COL4A4: variants seen among roughly 807,000 people sequenced by gnomAD.
The protein encoded by COL4A4 is collagen type IV alpha 4 chain.
COL4A4 carries 105 observed loss-of-function variants against 192.9 expected under a neutral mutation model. The observed-to-expected ratio is 0.54, with a 90% CI of 0.46 to 0.64. The LOEUF is 0.64. Ranked by LOEUF, COL4A4 falls within the 30% of genes least tolerant of loss-of-function variation. The pLI, the probability that COL4A4 is intolerant of heterozygous loss-of-function variation, is 0.00. For synonymous variants in COL4A4, 762 were observed against 769.9 expected, an observed-to-expected ratio of 0.99 and a Z score of 0.17; for missense variants, 1,967 against 2,169.3, an observed-to-expected ratio of 0.91 and a Z score of 1.85.
At chr2:227,056,478 A>C (rs1361381993) in intron 29 of COL4A4, among the ~76,000 whole-genome samples, 1 of 152,260 alleles carries the variant, frequency 6.6e-6, no homozygotes, top group Admixed American at 6.5e-5. Flanking sequence ...AGAAGAAGTC[A>C]GAGCCGGTGT....
chr2:227,110,590 C>A (rs2061139132), intron 9 of COL4A4, among the ~76,000 whole-genome samples: 1 of 151,678 alleles, frequency 6.6e-6, no homozygotes, highest in South Asian at 2.1e-4. Context: ...ACCATCTTGG[C>A]TAGGCTGGTC....
the COL4A4 span, chr2:226,996,718 G>A: frequency 1.3e-5 from 2 of 152,174 alleles, no homozygotes; most frequent in Non-Finnish European, 2.9e-5. Flanking sequence ...CTTTGGGAGT[G>A]GAGTACATGG....
intron 13 of COL4A4, 34 bp from the exon 14 acceptor site, chr2:227,103,231 C>T: frequency 6.5e-7 from 1 of 1,532,716 alleles, no homozygotes; most frequent in East Asian, 2.2e-5. Flanking sequence ...TTGGTCTATT[C>T]TTATTATTTA....
At chr2:226,993,064 C>T in the COL4A4 span, among the ~76,000 whole-genome samples, 5 of 152,224 alleles carry the variant, frequency 3.3e-5, no homozygotes, top group Non-Finnish European at 7.3e-5. Context: ...TGGTTCTCCT[C>T]GAATGCCCTG....
rs1961421302 is a variant in COL4A4, at chr2:227,003,320, T to C, written c.*4005A>G. On this transcript the variant is annotated 3_prime_UTR_variant, in exon 48 of 48. Transcript: ENST00000396625. ...GGGTATGCTAGACAGGTAATCTAAC[T>C]TAATTTTCAATGCAAGAGTAGCTGT... is the stretch of plus-strand genomic sequence containing the variant. 6.6e-6 allele frequency: 1 copy of C among 151,734 alleles called. No homozygotes were observed. Among genetic ancestry groups the C allele is most frequent in the African/African-American group, 2.4e-5 (1 of 41,440 alleles). 9.4% of individuals were successfully genotyped at this position (151,734 alleles called of 1,614,324 possible).
At chr2:227,054,502 A>C (rs1393806780) in intron 31 of COL4A4, 92 bp downstream of exon 31, 1 of 1,431,562 alleles carries the variant, frequency 7.0e-7, no homozygotes, top group Non-Finnish European at 9.8e-7. Flanking sequence ...CAAGCTTCAG[A>C]CAAGTCCTAT....
Position 227,050,058 on chromosome 2 carries a change from C to CA in COL4A4, c.3214+9dup. On this transcript the variant is annotated intron_variant, in intron 34 of 47. Transcript: ENST00000396625. ...ATTTGACAGATGGCTTCTGTATCTC[C>CA]AAACCATACCTTTAGGTCCTCTTGC... 1.2e-6 allele frequency: 2 copies of CA among 1,613,584 alleles called. No individual in the cohort carries two copies. The highest frequency in any genetic ancestry group is 4.5e-5 in the East Asian group (2 of 44,882).
intron 12 of COL4A4, among the ~76,000 whole-genome samples, chr2:227,105,133 C>A (rs1235784935): frequency 6.7e-6 from 1 of 148,556 alleles, no homozygotes; most frequent in Non-Finnish European, 1.5e-5. Flanking sequence ...TTATATTTTT[C>A]TTACAATATT....
chr2:227,023,003 A>G (rs1966316357), intron 43 of COL4A4, among the ~76,000 whole-genome samples: 1 of 152,220 alleles, frequency 6.6e-6, no homozygotes, highest in Non-Finnish European at 1.5e-5. Context: ...TTGGAAAGCT[A>G]TAATTCTGAC....
At chr2:227,077,168 T>A (rs1559560646) in intron 25 of COL4A4, among the ~76,000 whole-genome samples, 1 of 152,216 alleles carries the variant, frequency 6.6e-6, no homozygotes, top group Non-Finnish European at 1.5e-5. Flanking sequence ...TAAATCATTC[T>A]ACTATAAAGA....
Position 227,098,715 on chromosome 2 carries a change from T to C in COL4A4, c.1183A>G (p.Arg395Gly). ...GTACCTGCACAGGCTTCCCCTGGTC[T>C]GCCCAAGAGACCTGGGGGACCAGGT... ...GPPGPPGLLGRPGEACAGMIG... is the reference protein window; with the variant it reads ...GPPGPPGLLGGPGEACAGMIG... Residue 395 changes from arginine (R) to glycine (G), a missense_variant, in exon 19 of 48, where the codon AGA becomes GGA. Physicochemically the swap from Arg to Gly is moderately radical, Grantham distance 125. Coordinates refer to ENST00000396625, the MANE Select transcript of COL4A4 (RefSeq NM_000092.5). The C allele has an allele frequency of 1.2e-6, 2 of 1,614,110 alleles. No individual in the cohort carries two copies. The highest frequency in any genetic ancestry group is 2.7e-5 in the African/African-American group (2 of 75,066).
In COL4A4 at chr2:227,022,032, A is replaced by G. The variant is rs760379666; in HGVS notation, c.4216+16T>C. 2 of 1,607,384 alleles carry G rather than the reference A, an allele frequency of 1.2e-6. No homozygotes were observed. The highest frequency in any genetic ancestry group is 3.4e-5 in the Admixed American group (2 of 58,734). ...TATATCATGAAAATAATGAACAATC[A>G]GCATGCGGCTCATACCTGGTCCTGA... On this transcript the variant is annotated intron_variant, in intron 44 of 47. Coordinates refer to ENST00000396625, the MANE Select transcript of COL4A4 (RefSeq NM_000092.5).
intron 35 of COL4A4, among the ~76,000 whole-genome samples, chr2:227,045,828 A>G (rs868131114): frequency 0.066 from 4,751 of 71,594 alleles, 1,019 homozygotes; most frequent in South Asian, 0.12. Flanking sequence ...ACATATATAT[A>G]TATACACACA....
chr2:226,974,382 C>T, the COL4A4 span, among the ~76,000 whole-genome samples: 9 of 152,082 alleles, frequency 5.9e-5, 1 homozygote, highest in South Asian at 1.2e-3. Context: ...GAATTACAGG[C>T]GCCCACCACT....
intron 46 of COL4A4, among the ~76,000 whole-genome samples, chr2:227,009,251 G>A (rs886712063): frequency 7.9e-5 from 12 of 152,168 alleles, no homozygotes; most frequent in Non-Finnish European, 1.5e-5. Context: ...CCTAGTGAGA[G>A]CAATGGCAAG....
rs974232055 is a variant in COL4A4 at position 227,033,443 on chromosome 2, A to G, written c.3544T>C (p.Leu1182=). Residue 1182 remains leucine (L), a synonymous_variant, in exon 38 of 48, where the codon TTG becomes CTG. Coordinates refer to ENST00000396625, the MANE Select transcript of COL4A4 (RefSeq NM_000092.5). ...CCTTTAGTTCCTTTCTGACCTTTCAATCCATGCAAGCCGTTCAGGCCAGGT... is the reference window on the plus strand; with the variant it reads ...CCTTTAGTTCCTTTCTGACCTTTCAGTCCATGCAAGCCGTTCAGGCCAGGT... ...GSPGLNGLHG[L]KGQKGTKGAS... 3.7e-6 allele frequency: 6 copies of G among 1,613,506 alleles called. No individual in the cohort carries two copies. The highest frequency in any genetic ancestry group is 2.7e-5 in the African/African-American group (2 of 74,908).
At chr2:227,033,567 A>T in intron 37 of COL4A4, 86 bp from the exon 38 acceptor site, 1 of 1,207,594 alleles carries the variant, frequency 8.3e-7, no homozygotes, top group Admixed American at 1.8e-5. Flanking sequence ...TGCCCAGCAG[A>T]GGGCGCGTTG....
downstream of COL4A4, among the ~76,000 whole-genome samples, chr2:227,001,084 ATTTCT>A (rs1273852550): frequency 2.7e-5 from 4 of 150,338 alleles, no homozygotes; most frequent in Non-Finnish European, 4.4e-5. Context: ...GCTGGTTTTC[ATTTCT>A]TTTCTTTTTT....
At chr2:227,039,160 AGTTTT>A (rs768959775) in intron 37 of COL4A4, among the ~76,000 whole-genome samples, 5 of 151,990 alleles carry the variant, frequency 3.3e-5, no homozygotes, top group Non-Finnish European at 7.4e-5. Context: ...ATTAGCTATT[AGTTTT>A]GTTTTGTTTT....
Sources: allele counts gnomAD v4.1 joint callset (sites outside exome capture counted in the v4.1 genomes callset), GRCh38; gene constraint gnomAD v4.1.1; transcripts MANE v1.5; gene names NCBI Gene and HGNC (gene_info 2026-07-23, HGNC 2026-07-21).